The following UBE2K variants were observed in gnomAD, a reference collection of about 807,000 sequenced individuals.
UBE2K encodes the protein ubiquitin-conjugating enzyme E2 K.
UBE2K carries 6 observed loss-of-function variants against 30.0 expected under a neutral mutation model. The ratio of observed to expected loss-of-function variants is 0.20; its 90% CI spans 0.11 to 0.39. The LOEUF (loss-of-function observed/expected upper bound fraction) is 0.39. Among genes scored for constraint, UBE2K ranks in the 10% least tolerant of loss-of-function variants. The pLI is 1.00. For missense variants in UBE2K, 61 were observed against 241.6 expected, an observed-to-expected ratio of 0.25 and a Z score of 4.96; for synonymous variants, 86 against 83.7, an observed-to-expected ratio of 1.03 and a Z score of -0.15.
rs1039699059 is a variant in UBE2K, at chr4:39,745,900, A to G, written c.216+90A>G. ...TAATATATATTTTAGGGCTTATTAA[A>G]GTCACAGCTTTATGAATTGCTTACT... On this transcript the variant is annotated intron_variant, in intron 3 of 6. Coordinates refer to ENST00000261427, the MANE Select transcript of UBE2K (RefSeq NM_005339.5). 50 of 993,290 alleles carry G rather than the reference A, an allele frequency of 5.0e-5. No homozygotes were observed. Among genetic ancestry groups the G allele is most frequent in the Non-Finnish European group, 6.4e-5 (44 of 688,294 alleles). 61.5% of individuals were successfully genotyped at this position (993,290 alleles called of 1,614,324 possible).
chr4:39,766,104 G>C (rs777126638), intron 4 of UBE2K, among the ~76,000 whole-genome samples: 1 of 152,024 alleles, frequency 6.6e-6, no homozygotes, highest in African/African-American at 2.4e-5. Flanking sequence ...AGTTCTTTTG[G>C]ATGTATACCC....
chr4:39,760,176 C>CCA (rs377307189), intron 4 of UBE2K, among the ~76,000 whole-genome samples: 1 of 77,184 alleles, frequency 1.3e-5, no homozygotes, highest in African/African-American at 6.1e-5. Context: ...GACTCTGTCA[C>CCA]AAAAAAAAAA....
At chr4:39,728,118 A>G (rs1195162093) in intron 1 of UBE2K, among the ~76,000 whole-genome samples, 6 of 151,444 alleles carry the variant, frequency 4.0e-5, no homozygotes, top group Non-Finnish European at 8.8e-5. Flanking sequence ...TGGGCGACAG[A>G]GCAAGACACC....
chr4:39,702,521 T>G (rs1427125964), intron 1 of UBE2K, among the ~76,000 whole-genome samples: 1 of 152,136 alleles, frequency 6.6e-6, no homozygotes, highest in Non-Finnish European at 1.5e-5. Context: ...CCCAAATTGC[T>G]GGGATTACAG....
chr4:39,704,589 G>A (rs1718223436), intron 1 of UBE2K, among the ~76,000 whole-genome samples: 1 of 152,012 alleles, frequency 6.6e-6, no homozygotes, highest in African/African-American at 2.4e-5. Flanking sequence ...ACCAAAGCTA[G>A]AATGCAGTGG....
intron 2 of UBE2K, among the ~76,000 whole-genome samples, chr4:39,738,971 G>A (rs144438689): frequency 1.3e-5 from 2 of 151,846 alleles, no homozygotes; most frequent in African/African-American, 2.4e-5. Context: ...CACCAATCCC[G>A]GCCACCAGCT....
chr4:39,765,486 C>T (rs1437777878), intron 4 of UBE2K, among the ~76,000 whole-genome samples: 1 of 151,902 alleles, frequency 6.6e-6, no homozygotes, highest in Non-Finnish European at 1.5e-5. Context: ...TCTGTGATCA[C>T]ACCACTGCAT....
chr4:39,752,276 C>T (rs1560367686), intron 3 of UBE2K, among the ~76,000 whole-genome samples: 1 of 148,248 alleles, frequency 6.7e-6, no homozygotes, highest in Non-Finnish European at 1.5e-5. Context: ...ACTGCAGTAG[C>T]TGGGACTACA....
intron 1 of UBE2K, among the ~76,000 whole-genome samples, chr4:39,735,070 G>A (rs1374063330): frequency 6.6e-6 from 1 of 152,232 alleles, no homozygotes; most frequent in African/African-American, 2.4e-5. Flanking sequence ...TGATTAGCAA[G>A]ATGATTATTC....
intron 4 of UBE2K, among the ~76,000 whole-genome samples, chr4:39,768,553 T>A (rs1464248132): frequency 1.3e-5 from 2 of 152,084 alleles, no homozygotes; most frequent in African/African-American, 4.8e-5. Context: ...AAAAGAATAT[T>A]GTGCATTTAA....
chr4:39,735,424 A>G (rs1392973053), intron 1 of UBE2K, among the ~76,000 whole-genome samples: 3 of 152,200 alleles, frequency 2.0e-5, no homozygotes, highest in Non-Finnish European at 4.4e-5. Context: ...TCTGTCACCC[A>G]GGCTGGAGTG....
intron 1 of UBE2K, among the ~76,000 whole-genome samples, chr4:39,736,299 AAAAAT>A (rs1720377280): frequency 6.6e-6 from 1 of 152,162 alleles, no homozygotes; most frequent in Non-Finnish European, 1.5e-5. Flanking sequence ...CGTCTTGACT[AAAAAT>A]AACAAAAATT....
rs561112285 is a variant in UBE2K at position 39,717,107 on chromosome 4, C to T, written c.63+18717C>T. Among the ~76,000 whole-genome samples the T allele has an allele frequency of 6.6e-5, 10 of 151,884 alleles. No homozygotes were observed. In the South Asian group the frequency reaches 1.2e-3, roughly 19 times the overall value. On this transcript the variant is annotated intron_variant, in intron 1 of 6. Transcript: ENST00000261427. ...CCTTAAGCCTGGGAGATCGAGGCTG[C>T]GGTGAACTTTGACTTTGCCACTGCA...
chr4:39,734,499 C>A (rs1720248983), intron 1 of UBE2K, among the ~76,000 whole-genome samples: 1 of 151,892 alleles, frequency 6.6e-6, no homozygotes, highest in Non-Finnish European at 1.5e-5. Flanking sequence ...CAATTTTTTT[C>A]TGACTTATAA....
At chr4:39,770,809 TGAC>T (rs1712750004) in intron 4 of UBE2K, 7 of 1,555,378 alleles carry the variant, frequency 4.5e-6, no homozygotes, top group Non-Finnish European at 6.1e-6. Context: ...GACTCCACCT[TGAC>T]GATGCAGATG....
intron 1 of UBE2K, 42 bp downstream of exon 1, chr4:39,698,432 G>A (rs754922323): frequency 1.3e-6 from 2 of 1,580,420 alleles, no homozygotes; most frequent in South Asian, 1.1e-5. Flanking sequence ...TCTGCCTGGG[G>A]CGGGAGGGTC....
chr4:39,757,306 A>G (rs933169332), intron 4 of UBE2K, among the ~76,000 whole-genome samples: 1 of 152,160 alleles, frequency 6.6e-6, no homozygotes, highest in African/African-American at 2.4e-5. Flanking sequence ...GATTACAGGC[A>G]TGAGCCACCA....
chr4:39,698,323 G>A lies in UBE2K; in HGVS notation c.-5G>A, dbSNP rs1248778180. ...GGCGGGTACGAATCAGCTGCGGGCG[G>A]AGACATGGCCAACATCGCGGTGCAG... On this transcript the variant is annotated 5_prime_UTR_variant, in exon 1 of 7. Coordinates refer to ENST00000261427, the MANE Select transcript of UBE2K (RefSeq NM_005339.5). 1.6e-5 allele frequency: 25 copies of A among 1,611,624 alleles called. No individual in the cohort carries two copies. Among genetic ancestry groups the A allele is most frequent in the Non-Finnish European group, 2.1e-5 (25 of 1,179,188 alleles).
At chr4:39,710,953 A>G (rs1385917070) in intron 1 of UBE2K, among the ~76,000 whole-genome samples, 1 of 152,016 alleles carries the variant, frequency 6.6e-6, no homozygotes, top group Non-Finnish European at 1.5e-5. Flanking sequence ...AGCTCACTGG[A>G]TAACTTTTTT....
Sources: allele counts gnomAD v4.1 joint callset (sites outside exome capture counted in the v4.1 genomes callset), GRCh38; gene constraint gnomAD v4.1.1; transcripts MANE v1.5; gene names NCBI Gene and HGNC (gene_info 2026-07-23, HGNC 2026-07-21).